The following RAD51B variants were observed in gnomAD, a reference collection of about 807,000 sequenced individuals.
RAD51B encodes RAD51 paralog B.
RAD51B carries 38 observed loss-of-function variants against 42.2 expected under a neutral mutation model. The ratio of observed to expected loss-of-function variants is 0.90; its 90% CI spans 0.70 to 1.18. The LOEUF is 1.18. Ranked by LOEUF, RAD51B falls within the 50% of genes most tolerant of loss-of-function variation. RAD51B has a pLI of 0.00. For missense variants in RAD51B, 373 were observed against 400.7 expected (o/e 0.93, Z 0.59); for synonymous variants, 154 against 145.2 (o/e 1.06, Z -0.43).
intron 8 of RAD51B, among the ~76,000 whole-genome samples, chr14:68,360,383 G>A (rs1164951778): frequency 6.6e-6 from 1 of 152,218 alleles, no homozygotes; most frequent in Non-Finnish European, 1.5e-5. Context: ...TCTTATCATC[G>A]TTATTTCTGT....
rs547998957 is a variant in RAD51B at position 68,185,874 on chromosome 14, A to G, written c.757-106010A>G. ...TGTGGCCCAGTTCCTAACAGGCCAC[A>G]GACCAGTGTTGGTCCATGGCCTGGG... On this transcript the variant is annotated intron_variant, in intron 7 of 10. Coordinates refer to ENST00000471583, the MANE Select transcript of RAD51B (RefSeq NM_133510.4). 3.9e-4 allele frequency among the ~76,000 whole-genome samples: 59 copies of G among 152,368 alleles called. 1 individual carries two copies. Among genetic ancestry groups the G allele is most frequent in the Non-Finnish European group, 7.8e-4 (53 of 68,030 alleles).
intron 11 of RAD51B, among the ~76,000 whole-genome samples, chr14:68,665,122 A>C (rs1359692647): frequency 6.6e-6 from 1 of 152,240 alleles, no homozygotes; most frequent in East Asian, 1.9e-4. Flanking sequence ...TGACTTAGAA[A>C]ACCAGAGATG....
chr14:68,157,914 A>G (rs908240951), intron 7 of RAD51B, among the ~76,000 whole-genome samples: 1 of 152,160 alleles, frequency 6.6e-6, no homozygotes, highest in African/African-American at 2.4e-5. Context: ...TAAATTTTTA[A>G]ACTATTCATC....
chr14:68,497,006 A>G lies in RAD51B; in HGVS notation c.1036+28756A>G, dbSNP rs1456388760. 4 of 1,000,468 alleles carry G rather than the reference A, an allele frequency of 4.0e-6. No individual in the cohort carries two copies. The African/African-American group carries it at 5.1e-5, about 13-fold the overall frequency. The allele number at this position is 1,000,468 out of a possible 1,614,324, so 62.0% of individuals were successfully genotyped here. ...AGGTTGGAACAAACAGAATGGGGGC[A>G]TGAACTTTTTTCCCCATAACTTCAA... On this transcript the variant is annotated intron_variant, in intron 10 of 10. Transcript: ENST00000487270.
chr14:68,171,791 C>G (rs1400400215), intron 7 of RAD51B, among the ~76,000 whole-genome samples: 2 of 152,064 alleles, frequency 1.3e-5, no homozygotes, highest in Non-Finnish European at 2.9e-5. Context: ...ACTTTAACCT[C>G]TGCCTCCGGG....
intron 7 of RAD51B, among the ~76,000 whole-genome samples, chr14:68,179,735 ATGT>A (rs139784613): frequency 0.014 from 2,202 of 152,284 alleles, 62 homozygotes; most frequent in African/African-American, 0.05. Context: ...ATGCTCTTCT[ATGT>A]TGTTATTGTA....
intron 7 of RAD51B, among the ~76,000 whole-genome samples, chr14:68,038,630 ATT>A (rs1473675660): frequency 6.6e-6 from 1 of 152,158 alleles, no homozygotes; most frequent in Non-Finnish European, 1.5e-5. Flanking sequence ...TTATGCAAGA[ATT>A]TTTTAACTTA....
intron 9 of RAD51B, among the ~76,000 whole-genome samples, chr14:68,465,940 C>CAAAA (rs59348577): frequency 2.8e-4 from 36 of 129,346 alleles, no homozygotes; most frequent in African/African-American, 8.3e-4. Flanking sequence ...GACTCTGTCT[C>CAAAA]AAAAAAAAAA....
intron 8 of RAD51B, among the ~76,000 whole-genome samples, chr14:68,392,611 C>T (rs573354884): frequency 3.3e-5 from 5 of 152,284 alleles, no homozygotes; most frequent in South Asian, 2.1e-4. Context: ...ATGAGGCCCA[C>T]GTGATCACAA....
At chr14:68,199,907 C>G (rs1030133217) in intron 7 of RAD51B, among the ~76,000 whole-genome samples, 1 of 152,216 alleles carries the variant, frequency 6.6e-6, no homozygotes, top group African/African-American at 2.4e-5. Context: ...AAACAGAAAA[C>G]AACTCCCCAG....
chr14:68,388,837 T>C (rs1337212706), intron 8 of RAD51B, among the ~76,000 whole-genome samples: 2 of 152,160 alleles, frequency 1.3e-5, no homozygotes, highest in African/African-American at 4.8e-5. Context: ...TTAACCCTTA[T>C]AGTGAGTCTA....
intron 7 of RAD51B, among the ~76,000 whole-genome samples, chr14:67,942,583 G>A (rs2045245571): frequency 6.6e-6 from 1 of 152,134 alleles, no homozygotes; most frequent in Non-Finnish European, 1.5e-5. Flanking sequence ...CAGAGTATTT[G>A]GAATAGTAGA....
intron 8 of RAD51B, among the ~76,000 whole-genome samples, chr14:68,366,025 T>G (rs1044380416): frequency 1.3e-5 from 2 of 152,254 alleles, no homozygotes; most frequent in African/African-American, 4.8e-5. Flanking sequence ...CTAGTGTCGC[T>G]TTTTGATAAA....
intron 7 of RAD51B, among the ~76,000 whole-genome samples, chr14:68,009,791 A>G (rs1470115989): frequency 6.6e-6 from 1 of 151,908 alleles, no homozygotes; most frequent in African/African-American, 2.4e-5. Context: ...CTAAGTAGTA[A>G]CATCAATTTA....
At chr14:67,894,396 C>T (rs1433169996) in intron 7 of RAD51B, among the ~76,000 whole-genome samples, 31 of 152,242 alleles carry the variant, frequency 2.0e-4, no homozygotes, top group Non-Finnish European at 7.4e-5. Context: ...GGTTAACTTA[C>T]ACTTATTTTT....
chr14:68,507,316 C>T (rs1261466099), intron 10 of RAD51B, among the ~76,000 whole-genome samples: 1 of 152,128 alleles, frequency 6.6e-6, no homozygotes, highest in Non-Finnish European at 1.5e-5. Flanking sequence ...ACGCATCTGG[C>T]TTGTTCTTCT....
chr14:68,550,737 A>T (rs1281686379), intron 10 of RAD51B, among the ~76,000 whole-genome samples: 1 of 152,194 alleles, frequency 6.6e-6, no homozygotes, highest in Non-Finnish European at 1.5e-5. Context: ...AAACTCTGGA[A>T]GTTCTGCTGT....
chr14:68,067,875 T>G (rs1340699933), intron 7 of RAD51B, among the ~76,000 whole-genome samples: 4 of 130,336 alleles, frequency 3.1e-5, no homozygotes, highest in Non-Finnish European at 6.1e-5. Context: ...GAGGTTGCGG[T>G]GAGTCATGAT....
chr14:68,549,706 G>A (rs920078989), intron 10 of RAD51B, among the ~76,000 whole-genome samples: 3 of 150,294 alleles, frequency 2.0e-5, no homozygotes, highest in African/African-American at 4.9e-5. Flanking sequence ...GAGCCACCGC[G>A]CCCGGCCGCC....
Sources: allele counts gnomAD v4.1 joint callset (sites outside exome capture counted in the v4.1 genomes callset), GRCh38; gene constraint gnomAD v4.1.1; transcripts MANE v1.5; gene names NCBI Gene and HGNC (gene_info 2026-07-23, HGNC 2026-07-21).